Variants in PDE3A observed in about 807,000 individuals in gnomAD.
PDE3A encodes cGMP-inhibited 3',5'-cyclic phosphodiesterase 3A.
Under a neutral mutation model 98.3 loss-of-function variants are expected in PDE3A, and 43 were observed. That is an observed-to-expected ratio of 0.44 (90% CI 0.34 to 0.56). The LOEUF (loss-of-function observed/expected upper bound fraction) is 0.56. PDE3A is among the 20% of genes least tolerant of loss of function. PDE3A has a pLI of 0.01. For missense variants in PDE3A, 1,427 were observed against 1,440.7 expected (o/e 0.99, Z 0.15); for synonymous variants, 663 against 567.9 (o/e 1.17, Z -2.38).
chr12:20,467,175 T>C (rs1032814715), intron 1 of PDE3A, among the ~76,000 whole-genome samples: 1 of 152,142 alleles, frequency 6.6e-6, no homozygotes, highest in Non-Finnish European at 1.5e-5. Flanking sequence ...TCTTAGTTAT[T>C]GGTTGTTTTC....
chr12:20,549,140 T>G (rs1942133187), intron 1 of PDE3A, among the ~76,000 whole-genome samples: 1 of 152,134 alleles, frequency 6.6e-6, no homozygotes, highest in Non-Finnish European at 1.5e-5. Context: ...GTAGTTTTTT[T>G]TAATGGATTC....
At chr12:20,598,177 T>A (rs1486364038) in intron 2 of PDE3A, among the ~76,000 whole-genome samples, 1 of 150,668 alleles carries the variant, frequency 6.6e-6, no homozygotes, top group Non-Finnish European at 1.5e-5. Flanking sequence ...TTTTTTTAAT[T>A]ATTATTATTA....
At chr12:20,596,809 G>A (rs543764966) in intron 2 of PDE3A, among the ~76,000 whole-genome samples, 69 of 152,228 alleles carry the variant, frequency 4.5e-4, no homozygotes, top group African/African-American at 1.6e-3. Flanking sequence ...GTTTACTGAT[G>A]ATGTTAACAA....
intron 1 of PDE3A, among the ~76,000 whole-genome samples, chr12:20,462,554 C>T (rs370386679): frequency 1.3e-5 from 2 of 152,046 alleles, no homozygotes; most frequent in Non-Finnish European, 2.9e-5. Flanking sequence ...CAGTAATAGA[C>T]CCCTTTTAAT....
chr12:20,423,711 C>G (rs1442571759), intron 1 of PDE3A, among the ~76,000 whole-genome samples: 2 of 152,068 alleles, frequency 1.3e-5, no homozygotes, highest in Non-Finnish European at 2.9e-5. Context: ...ATTACCGTGC[C>G]TCCTCTTAAC....
At chr12:20,656,357 A>G (rs911783436) in intron 15 of PDE3A, among the ~76,000 whole-genome samples, 3 of 152,238 alleles carry the variant, frequency 2.0e-5, no homozygotes, top group Admixed American at 2.0e-4. Context: ...AAGCAAACAT[A>G]AAGAAGTCCT....
intron 1 of PDE3A, among the ~76,000 whole-genome samples, chr12:20,519,534 A>G (rs1946384691): frequency 6.6e-6 from 1 of 152,230 alleles, no homozygotes; most frequent in African/African-American, 2.4e-5. Context: ...TGATGTATAT[A>G]TTCATTAAGT....
intron 2 of PDE3A, among the ~76,000 whole-genome samples, chr12:20,570,583 C>T (rs1942781821): frequency 6.6e-6 from 1 of 151,894 alleles, no homozygotes; most frequent in Admixed American, 6.6e-5. Flanking sequence ...TAAAATAAGG[C>T]AGTGGTTTTC....
At chr12:20,580,865 T>A (rs1235696199) in intron 2 of PDE3A, among the ~76,000 whole-genome samples, 4 of 152,208 alleles carry the variant, frequency 2.6e-5, no homozygotes, top group African/African-American at 4.8e-5. Flanking sequence ...TGACAGCTAA[T>A]GGTATAAATT....
chr12:20,390,377 A>C (rs2120603720), intron 1 of PDE3A, among the ~76,000 whole-genome samples: 1 of 151,648 alleles, frequency 6.6e-6, no homozygotes, highest in Middle Eastern at 3.4e-3. Flanking sequence ...GGAGGCATTT[A>C]AGAGGGTATT....
chr12:20,615,080 G>A (rs1401995208), intron 3 of PDE3A, among the ~76,000 whole-genome samples: 1 of 142,726 alleles, frequency 7.0e-6, no homozygotes, highest in East Asian at 2.1e-4. Context: ...GGAGTGCAGT[G>A]GCGTGATTTT....
intron 10 of PDE3A, among the ~76,000 whole-genome samples, chr12:20,645,035 CCCA>C (rs1944743446): frequency 6.6e-6 from 1 of 151,746 alleles, no homozygotes; most frequent in Admixed American, 6.6e-5. Context: ...ATTACAGGTG[CCCA>C]CCACCACGCT....
chr12:20,682,458 A>G lies in PDE3A; in HGVS notation c.*2187A>G, dbSNP rs1945816000. 2.0e-5 allele frequency: 3 copies of G among 152,234 alleles called. No homozygotes were observed. Among genetic ancestry groups the G allele is most frequent in the African/African-American group, 7.2e-5 (3 of 41,478 alleles). 9.4% of individuals were successfully genotyped at this position (152,234 alleles called of 1,614,324 possible). On this transcript the variant is annotated 3_prime_UTR_variant, in exon 16 of 16. Coordinates refer to ENST00000359062, the MANE Select transcript of PDE3A (RefSeq NM_000921.5). ...GCATTTTAAAAAATAAGGCAAAGAT[A>G]ATACGACAAAAAATATACATGGTTT...
At chr12:20,540,271 A>T (rs1941860228) in intron 1 of PDE3A, among the ~76,000 whole-genome samples, 1 of 152,162 alleles carries the variant, frequency 6.6e-6, no homozygotes, top group Admixed American at 6.5e-5. Context: ...ATTATAAAAG[A>T]TCTAGTTTCT....
chr12:20,662,058 T>TA (rs1169458087), intron 15 of PDE3A, among the ~76,000 whole-genome samples: 2 of 148,836 alleles, frequency 1.3e-5, no homozygotes, highest in South Asian at 4.3e-4. Flanking sequence ...TGCCCAACAC[T>TA]ATAGGATGCC....
intron 4 of PDE3A, among the ~76,000 whole-genome samples, chr12:20,620,371 G>A (rs890255310): frequency 6.6e-6 from 1 of 151,976 alleles, no homozygotes; most frequent in Non-Finnish European, 1.5e-5. Flanking sequence ...AAGGACACAG[G>A]TGTTAGCAAA....
Position 20,685,770 on chromosome 12 carries a change from A to G in PDE3A, c.*5499A>G, listed in dbSNP as rs1945944654. On this transcript the variant is annotated 3_prime_UTR_variant, in exon 16 of 16. Transcript: ENST00000359062. ...CACAGAAGAAAAGCCTTCTCTTTAC[A>G]GATAAAAAATGTTGAACATGTTCAT... Among the ~76,000 whole-genome samples the G allele has an allele frequency of 1.3e-5, 2 of 152,146 alleles. No individual in the cohort carries two copies. Among genetic ancestry groups the G allele is most frequent in the South Asian group, 4.1e-4 (2 of 4,834 alleles).
intron 5 of PDE3A, among the ~76,000 whole-genome samples, chr12:20,625,230 T>G (rs1448099809): frequency 2.0e-5 from 3 of 152,196 alleles, no homozygotes; most frequent in Admixed American, 2.0e-4. Flanking sequence ...AATAAAAGCT[T>G]AAAAGCAGGA....
chr12:20,644,880 TCTTCTTC>T (rs1443687157), intron 10 of PDE3A, among the ~76,000 whole-genome samples: 40 of 104,224 alleles, frequency 3.8e-4, no homozygotes, highest in Admixed American at 5.3e-4. Context: ...CCCCTCTTCC[TCTTCTTC>T]CTTCTTTTTT....
Sources: gnomAD v4.1 joint callset for allele counts (sites outside exome capture counted in the v4.1 genomes callset) on GRCh38, gnomAD v4.1.1 for gene constraint, MANE v1.5 for transcripts, NCBI Gene and HGNC (gene_info 2026-07-23, HGNC 2026-07-21) for gene names.